Variants in ZFP64 observed in about 807,000 individuals in gnomAD.
The protein encoded by ZFP64 is ZFP64 zinc finger protein.
ZFP64 carries 14 observed loss-of-function variants against 51.6 expected under a neutral mutation model. The ratio of observed to expected loss-of-function variants is 0.27; its 90% CI spans 0.18 to 0.42. The LOEUF (loss-of-function observed/expected upper bound fraction) is 0.42. ZFP64 is among the 10% of genes least tolerant of loss of function. The pLI is 1.00. For synonymous variants in ZFP64, 375 were observed against 361.4 expected, an observed-to-expected ratio of 1.04 and a Z score of -0.43; for missense variants, 754 against 906.8, an observed-to-expected ratio of 0.83 and a Z score of 2.16.
chr20:52,104,539 G>A lies in ZFP64; in HGVS notation c.764-5952C>T, dbSNP rs142443542. The A allele has an allele frequency of 3.1e-3, 1,087 of 348,200 alleles. 8 individuals are homozygous for A. The highest frequency in any genetic ancestry group is 0.022 in the African/African-American group (1,000 of 45,224). The allele number at this position is 348,200 out of a possible 1,614,324, so 21.6% of individuals were successfully genotyped here. ...TCACGGCCGTCCCCCGCCCCCCACC[G>A]TCTGCCCCCATCACCTCTCGGGCCT... On this transcript the variant is annotated intron_variant, in intron 5 of 8. Coordinates refer to the ZFP64 transcript ENST00000361387.
At chr20:52,184,626 CT>C (rs1983832572) in intron 2 of ZFP64, among the ~76,000 whole-genome samples, 1 of 133,844 alleles carries the variant, frequency 7.5e-6, no homozygotes, top group African/African-American at 3.1e-5. Flanking sequence ...GTTTAAATCC[CT>C]CTTTTTTATT....
chr20:52,184,155 G>A (rs1363775940), intron 2 of ZFP64, among the ~76,000 whole-genome samples: 1 of 152,088 alleles, frequency 6.6e-6, no homozygotes, highest in African/African-American at 2.4e-5. Flanking sequence ...CCTGACGTCT[G>A]ATGCTCCTCA....
At chr20:52,098,469 A>G in exon 6 of ZFP64, 1 of 1,614,084 alleles carries the variant, frequency 6.2e-7, no homozygotes, top group Non-Finnish European at 8.5e-7. Flanking sequence ...TCCTCTCTCC[A>G]AGGGTGGCCA....
chr20:52,105,398 A>T (rs1978306307), intron 5 of ZFP64: 1 of 1,229,564 alleles, frequency 8.1e-7, no homozygotes, highest in South Asian at 4.1e-5. Context: ...CTGACGGCTG[A>T]TTGGCCTGGA....
chr20:52,128,333 C>T (rs1374071525), intron 5 of ZFP64, among the ~76,000 whole-genome samples: 1 of 152,180 alleles, frequency 6.6e-6, no homozygotes, highest in African/African-American at 2.4e-5. Flanking sequence ...TTGGCCAAAG[C>T]AAGTCAAATG....
intron 7 of ZFP64, among the ~76,000 whole-genome samples, chr20:52,095,538 G>C (rs2078979211): frequency 6.6e-6 from 1 of 152,176 alleles, no homozygotes; most frequent in Non-Finnish European, 1.5e-5. Flanking sequence ...GGAATACCAT[G>C]AGGCCTCCAT....
intron 7 of ZFP64, among the ~76,000 whole-genome samples, chr20:52,093,300 G>A (rs535292948): frequency 2.6e-5 from 4 of 152,146 alleles, no homozygotes; most frequent in South Asian, 4.2e-4. Context: ...ACCACCACGC[G>A]TGGCTAATAT....
At chr20:52,146,194 TAGA>T (rs1416262045) in intron 5 of ZFP64, among the ~76,000 whole-genome samples, 1 of 152,054 alleles carries the variant, frequency 6.6e-6, no homozygotes, top group Non-Finnish European at 1.5e-5. Flanking sequence ...GATCTAGAAC[TAGA>T]AATACCATTT....
In ZFP64 at chr20:52,172,893, T is replaced by C. The variant is rs111815977; in HGVS notation, c.287-6868A>G. On this transcript the variant is annotated intron_variant, in intron 2 of 5. Transcript: ENST00000216923. Reference sequence around the variant, plus strand: ...GCTCCAGGGGATTTCCCTTCTTTCCTGCATGTTCAGGTGTGCATCTGAGAA... The same window carrying C: ...GCTCCAGGGGATTTCCCTTCTTTCCCGCATGTTCAGGTGTGCATCTGAGAA... Among the ~76,000 whole-genome samples, 260 of 152,336 alleles carry C rather than the reference T, an allele frequency of 1.7e-3. 2 individuals are homozygous for C. Among genetic ancestry groups the C allele is most frequent in the African/African-American group, 6.0e-3 (251 of 41,582 alleles).
intron 1 of ZFP64, among the ~76,000 whole-genome samples, chr20:52,190,915 A>G (rs960910388): frequency 5.9e-5 from 9 of 152,048 alleles, no homozygotes; most frequent in African/African-American, 2.2e-4. Context: ...GGGCCCAGAA[A>G]GCTGTTTTAA....
At chr20:52,091,588 T>G (rs1206723887) in intron 7 of ZFP64, among the ~76,000 whole-genome samples, 2 of 152,162 alleles carry the variant, frequency 1.3e-5, no homozygotes, top group African/African-American at 4.8e-5. Context: ...GCTTCACAAA[T>G]GGTTTTTCAA....
chr20:52,127,912 T>C (rs1979524019), intron 5 of ZFP64, among the ~76,000 whole-genome samples: 1 of 152,214 alleles, frequency 6.6e-6, no homozygotes, highest in South Asian at 2.1e-4. Flanking sequence ...GTTTTTGCTA[T>C]ACAACGACCT....
chr20:52,092,914 G>T (rs4811290), intron 7 of ZFP64, among the ~76,000 whole-genome samples: 19 of 152,120 alleles, frequency 1.2e-4, no homozygotes, highest in African/African-American at 4.6e-4. Flanking sequence ...TTATGCTAAA[G>T]ATCTACTCTC....
At chr20:52,148,179 G>GT (rs1980616876), downstream of ZFP64, among the ~76,000 whole-genome samples, 1 of 152,154 alleles carries the variant, frequency 6.6e-6, no homozygotes, top group South Asian at 2.1e-4. Context: ...GGGAAGCTTT[G>GT]TAAGTCTAAA....
intron 1 of ZFP64, among the ~76,000 whole-genome samples, chr20:52,188,872 A>G (rs987848666): frequency 2.6e-5 from 4 of 151,918 alleles, no homozygotes; most frequent in African/African-American, 9.7e-5. Context: ...GCTACTAGAG[A>G]GGCTGAGGCA....
chr20:52,097,711 C>A (rs540404432), intron 6 of ZFP64, among the ~76,000 whole-genome samples: 2 of 152,028 alleles, frequency 1.3e-5, no homozygotes, highest in Non-Finnish European at 2.9e-5. Context: ...CTGCCCGCCC[C>A]GGCTTCCCAA....
exon 9 of ZFP64, chr20:52,084,735 G>A: frequency 6.2e-7 from 1 of 1,614,220 alleles, no homozygotes. Context: ...GACGAAGGAG[G>A]CGCCGCAGGT....
intron 5 of ZFP64, among the ~76,000 whole-genome samples, chr20:52,130,927 A>G (rs1248353037): frequency 6.6e-6 from 1 of 151,944 alleles, no homozygotes; most frequent in Admixed American, 6.6e-5. Context: ...TTAGCCAGGC[A>G]TTGTGGCGGG....
chr20:52,188,013 A>T (rs983487226), intron 1 of ZFP64, among the ~76,000 whole-genome samples: 1 of 152,086 alleles, frequency 6.6e-6, no homozygotes, highest in Non-Finnish European at 1.5e-5. Flanking sequence ...CAGCTGGAGG[A>T]GTTTCTGGGA....
Sources: allele counts gnomAD v4.1 joint callset (sites outside exome capture counted in the v4.1 genomes callset), GRCh38; gene constraint gnomAD v4.1.1; transcripts MANE v1.5; gene names NCBI Gene and HGNC (gene_info 2026-07-23, HGNC 2026-07-21).